COG6: variants seen among roughly 807,000 people sequenced by gnomAD.
The protein encoded by COG6 is component of oligomeric golgi complex 6.
In COG6, 74 loss-of-function variants were observed where a neutral mutation model predicts 88.8. The observed-to-expected ratio is 0.83, with a 90% CI of 0.69 to 1.01. The LOEUF is 1.01. Ranked by LOEUF, COG6 falls within the 50% of genes least tolerant of loss-of-function variation. COG6 has a pLI of 0.00. For synonymous variants in COG6, 286 were observed against 278.7 expected (o/e 1.03, Z -0.26); for missense variants, 800 against 797.9 (o/e 1.00, Z -0.03).
At chr13:39,778,519 A>G (rs1198659506) in intron 18 of COG6, among the ~76,000 whole-genome samples, 5 of 152,220 alleles carry the variant, frequency 3.3e-5, no homozygotes, top group African/African-American at 1.2e-4. Context: ...GTATCAGGAG[A>G]GGATATAGCA....
At chr13:39,726,617 A>G (rs1448846263) in intron 17 of COG6, among the ~76,000 whole-genome samples, 1 of 151,990 alleles carries the variant, frequency 6.6e-6, no homozygotes, top group African/African-American at 2.4e-5. Context: ...TCCTATGGCC[A>G]GATTTAGCTT....
intron 15 of COG6, among the ~76,000 whole-genome samples, chr13:39,722,738 C>G (rs1878916038): frequency 6.6e-6 from 1 of 151,962 alleles, no homozygotes; most frequent in South Asian, 2.1e-4. Flanking sequence ...CAAAATAGCA[C>G]AAAGCTGGGG....
In COG6 at chr13:39,723,342, C is replaced by T. The variant is rs1357140736; in HGVS notation, c.1594C>T (p.His532Tyr). 1.9e-6 allele frequency: 3 copies of T among 1,603,446 alleles called. No individual in the cohort carries two copies. The highest frequency in any genetic ancestry group is 3.3e-5 in the Admixed American group (2 of 59,858). The change falls in exon 16 of 19, where the codon CAT becomes TAT. Residue 532 changes from histidine (H) to tyrosine (Y), a missense_variant. By Grantham distance (83) the His-to-Tyr change is moderately conservative. Transcript: ENST00000455146. The stretch of plus-strand genomic sequence containing the variant: ...TTGTGTTTTATTTTAGATCGAAGCA[C>T]ATTTGGACACACTTATAAATGAGCA... ...LEMLQFQIEA[H>Y]LDTLINEQAS...
chr13:39,727,576 G>GT, intron 18 of COG6, 28 bp downstream of exon 18: 1 of 1,470,514 alleles, frequency 6.8e-7, no homozygotes, highest in Non-Finnish European at 9.5e-7. Flanking sequence ...CAAGTAGTTG[G>GT]TAAAGATTCA....
rs144249030 is a variant in COG6, at chr13:39,713,746, A to G, written c.1285-5490A>G. 7.7e-3 allele frequency among the ~76,000 whole-genome samples: 1,175 copies of G among 152,312 alleles called. 25 individuals are homozygous for G. The highest frequency in any genetic ancestry group is 0.027 in the African/African-American group (1,106 of 41,574). On this transcript the variant is annotated intron_variant, in intron 13 of 18. Coordinates refer to ENST00000455146, the MANE Select transcript of COG6 (RefSeq NM_020751.3). The stretch of plus-strand genomic sequence containing the variant: ...GTGAGACTCCATCTCAAAAAAAAAG[A>G]AAAAGAAATATAGACTTGTCTCTTA...
At chr13:39,776,310 G>T (rs949587808) in intron 18 of COG6, among the ~76,000 whole-genome samples, 1 of 152,118 alleles carries the variant, frequency 6.6e-6, no homozygotes, top group Non-Finnish European at 1.5e-5. Context: ...TTTTAAGGAA[G>T]TTTATTCTGA....
intron 18 of COG6, among the ~76,000 whole-genome samples, chr13:39,743,213 C>A (rs1048558486): frequency 2.0e-5 from 3 of 152,002 alleles, no homozygotes; most frequent in African/African-American, 7.3e-5. Flanking sequence ...CAAGAGCAAA[C>A]AAATTGAAAA....
intron 18 of COG6, among the ~76,000 whole-genome samples, chr13:39,738,741 A>G (rs1879896456): frequency 6.6e-6 from 1 of 152,194 alleles, no homozygotes; most frequent in Non-Finnish European, 1.5e-5. Flanking sequence ...AAGCTGGAGT[A>G]GCTATATTAC....
chr13:39,787,609 T>C (rs527868865), intron 18 of COG6, among the ~76,000 whole-genome samples: 2 of 152,256 alleles, frequency 1.3e-5, no homozygotes, highest in East Asian at 3.9e-4. Flanking sequence ...TATATATATT[T>C]ATGCACATAC....
At position 39,659,361 on chromosome 13, in the gene COG6, T is replaced by C. The variant is rs1224540287; in HGVS notation, c.154-3T>C. The C allele has an allele frequency of 1.2e-6, 2 of 1,613,270 alleles. No individual in the cohort carries two copies. The highest frequency in any genetic ancestry group is 1.7e-6 in the Non-Finnish European group (2 of 1,179,448). On this transcript the variant is annotated splice_region_variant and splice_polypyrimidine_tract_variant and intron_variant, in intron 1 of 18. Coordinates refer to ENST00000455146, the MANE Select transcript of COG6 (RefSeq NM_020751.3). ...TAACTGTCTTCTGTTACCAATTGTA[T>C]AGGAGATGTTAGAAGCTCTCAAGGC...
At chr13:39,720,657 C>T (rs541085632) in intron 15 of COG6, among the ~76,000 whole-genome samples, 1 of 152,104 alleles carries the variant, frequency 6.6e-6, no homozygotes, top group East Asian at 1.9e-4. Flanking sequence ...CCTCTCCACC[C>T]CCAACATCTC....
At chr13:39,690,932 TAGA>T (rs991107057) in intron 11 of COG6, among the ~76,000 whole-genome samples, 107 of 152,036 alleles carry the variant, frequency 7.0e-4, no homozygotes, top group African/African-American at 2.3e-3. Context: ...ACTGGAAAGG[TAGA>T]AGAAGAGGAG....
Position 39,688,535 on chromosome 13 carries a change from G to A in COG6, c.1009+736G>A, listed in dbSNP as rs566274110. On this transcript the variant is annotated intron_variant, in intron 10 of 18. Coordinates refer to ENST00000455146, the MANE Select transcript of COG6 (RefSeq NM_020751.3). Reference sequence around the variant, plus strand: ...GAGGTGCCACACACTTTTAAGCAACGCTGACTATTGTGAGGACAGCACCAA... The same window carrying A: ...GAGGTGCCACACACTTTTAAGCAACACTGACTATTGTGAGGACAGCACCAA... Among the ~76,000 whole-genome samples the A allele has an allele frequency of 3.3e-5, 5 of 152,162 alleles. No individual in the cohort carries two copies. In the South Asian group the frequency reaches 6.2e-4, roughly 19 times the overall value.
At chr13:39,755,640 T>C (rs2138156342), downstream of COG6, among the ~76,000 whole-genome samples, 1 of 152,208 alleles carries the variant, frequency 6.6e-6, no homozygotes, top group East Asian at 1.9e-4. Context: ...TGCATGTTCA[T>C]GAATGAACAG....
intron 13 of COG6, among the ~76,000 whole-genome samples, chr13:39,708,477 T>C (rs991463948): frequency 6.6e-6 from 1 of 152,194 alleles, no homozygotes; most frequent in African/African-American, 2.4e-5. Flanking sequence ...CATGAGGACA[T>C]TCTTCTGTAT....
intron 18 of COG6, among the ~76,000 whole-genome samples, chr13:39,747,342 T>C (rs1293374427): frequency 6.6e-6 from 1 of 152,200 alleles, no homozygotes; most frequent in Non-Finnish European, 1.5e-5. Context: ...TCAGACTCGC[T>C]TCAGAGAATC....
intron 18 of COG6, among the ~76,000 whole-genome samples, chr13:39,781,136 A>G (rs895857487): frequency 2.0e-5 from 3 of 152,132 alleles, no homozygotes; most frequent in Non-Finnish European, 4.4e-5. Flanking sequence ...CTCTCATCCA[A>G]GGAAAATAAA....
In COG6 at chr13:39,679,632, C is replaced by T. The variant is rs760251187; in HGVS notation, c.623+12C>T. On this transcript the variant is annotated intron_variant, in intron 6 of 18. Coordinates refer to ENST00000455146, the MANE Select transcript of COG6 (RefSeq NM_020751.3). ...CAACAAACGGCAGGGTGAGTAACTG[C>T]TCACTGAACTAATTGCATTGCTGCT... 3 of 1,511,034 alleles carry T rather than the reference C, an allele frequency of 2.0e-6. No individual in the cohort carries two copies. The highest frequency in any genetic ancestry group is 2.8e-6 in the Non-Finnish European group (3 of 1,086,156). The allele number at this position is 1,511,034 out of a possible 1,614,324, so 93.6% of individuals were successfully genotyped here.
intron 15 of COG6, among the ~76,000 whole-genome samples, chr13:39,722,956 A>G (rs2138082499): frequency 6.6e-6 from 1 of 152,226 alleles, no homozygotes; most frequent in African/African-American, 2.4e-5. Context: ...CAGTCTAGAA[A>G]GTTGGGAGCG....
Sources: allele counts gnomAD v4.1 joint callset (sites outside exome capture counted in the v4.1 genomes callset), GRCh38; gene constraint gnomAD v4.1.1; transcripts MANE v1.5; gene names NCBI Gene and HGNC (gene_info 2026-07-23, HGNC 2026-07-21).